Variants in RBP7 observed in about 807,000 individuals in gnomAD.
RBP7 encodes retinol binding protein 7.
RBP7 carries 13 observed loss-of-function variants against 16.7 expected under a neutral mutation model. That is an observed-to-expected ratio of 0.78 (90% CI 0.51 to 1.24). The LOEUF (loss-of-function observed/expected upper bound fraction) is 1.24, where lower values mean the gene tolerates loss of function less well. Among genes scored for constraint, RBP7 ranks in the 50% most tolerant of loss-of-function variants. The probability of loss-of-function intolerance (pLI) is 0.00; values close to 1 mark genes in which losing one functional copy is unlikely to be tolerated. For synonymous variants in RBP7, 54 were observed against 56.2 expected (o/e 0.96, Z 0.17); for missense variants, 145 against 159.5 (o/e 0.91, Z 0.49).
chr1:10,009,390 C>T (rs1642540924), intron 3 of RBP7, among the ~76,000 whole-genome samples: 1 of 151,766 alleles, frequency 6.6e-6, no homozygotes, highest in Admixed American at 6.6e-5. Flanking sequence ...GGCCTGGTGA[C>T]AGAGGCCGTT....
chr1:10,014,236 C>T (rs573496550), intron 3 of RBP7, among the ~76,000 whole-genome samples: 3 of 152,116 alleles, frequency 2.0e-5, no homozygotes, highest in South Asian at 2.1e-4. Context: ...AACTAAACCA[C>T]GGGGTTTAGA....
Position 9,997,549 on chromosome 1 carries a change from G to A in RBP7, c.73+218G>A, listed in dbSNP as rs1456511581. Among the ~76,000 whole-genome samples, 1 of 135,674 alleles carries A rather than the reference G, an allele frequency of 7.4e-6. No individual in the cohort carries two copies. Among genetic ancestry groups the A allele is most frequent in the Non-Finnish European group, 1.6e-5 (1 of 62,070 alleles). 89.0% of individuals were successfully genotyped at this position (135,674 alleles called of 152,430 possible). On this transcript the variant is annotated intron_variant, in intron 1 of 3. Transcript: ENST00000294435. This position sits in a 1 kb window ranked among gnomAD's most constrained non-coding sequence, Gnocchi z 5.9. Reference sequence around the variant, plus strand: ...TCAGTCCCCCAGTCCGTCCTTTCCCGCGCCCACCCGCCCCCCTGTCCCCAC... The same window carrying A: ...TCAGTCCCCCAGTCCGTCCTTTCCCACGCCCACCCGCCCCCCTGTCCCCAC...
At chr1:10,014,379 C>A (rs2101740900) in intron 3 of RBP7, among the ~76,000 whole-genome samples, 2 of 150,824 alleles carry the variant, frequency 1.3e-5, no homozygotes, top group African/African-American at 4.9e-5. Context: ...CTTTTCTTTT[C>A]TTTCTTTTTT....
chr1:10,004,984 C>T (rs147114124), intron 1 of RBP7, among the ~76,000 whole-genome samples: 1 of 151,874 alleles, frequency 6.6e-6, no homozygotes, highest in Non-Finnish European at 1.5e-5. Context: ...CAGAATGAGA[C>T]CCTGTCTCAA....
At chr1:9,999,932 CTTAAGAA>C (rs897782276) in intron 1 of RBP7, among the ~76,000 whole-genome samples, 16 of 146,494 alleles carry the variant, frequency 1.1e-4, no homozygotes, top group African/African-American at 3.7e-4. Flanking sequence ...TACATTTTAT[CTTAAGAA>C]TTAAGTTGGT....
rs1642192014 is a variant in RBP7 at position 9,997,314 on chromosome 1, G to A, written c.56G>A (p.Gly19Asp). 2.5e-6 allele frequency: 4 copies of A among 1,611,532 alleles called. No homozygotes were observed. Among genetic ancestry groups the A allele is most frequent in the Non-Finnish European group, 3.4e-6 (4 of 1,179,170 alleles). The change falls in exon 1 of 4, where the codon GGC becomes GAC. Residue 19 changes from glycine to aspartate, a missense_variant. Gly to Asp is a moderately conservative substitution (Grantham distance 94). Transcript: ENST00000294435. The surrounding 1 kb of genome is among the most constrained non-coding windows in gnomAD (Gnocchi z 5.9). ...WTLLSSDNFE[G>D]YMLALGIDFA... Reference sequence around the variant, plus strand: ...CTGCTCAGCAGCGACAACTTCGAGGGCTACATGCTGGCCCTAGGTAAGGCG... The same window carrying A: ...CTGCTCAGCAGCGACAACTTCGAGGACTACATGCTGGCCCTAGGTAAGGCG...
At chr1:10,005,927 A>T (rs974733680) in intron 1 of RBP7, among the ~76,000 whole-genome samples, 3 of 151,958 alleles carry the variant, frequency 2.0e-5, no homozygotes, top group Non-Finnish European at 4.4e-5. Flanking sequence ...CGGCAGATAC[A>T]CTAGGCTCCT....
At chr1:10,001,969 C>T (rs1642290486) in intron 1 of RBP7, among the ~76,000 whole-genome samples, 1 of 152,114 alleles carries the variant, frequency 6.6e-6, no homozygotes, top group Non-Finnish European at 1.5e-5. Flanking sequence ...GCTGGGATTA[C>T]AGGCACACGC....
intron 3 of RBP7, among the ~76,000 whole-genome samples, chr1:10,012,210 T>C (rs1642642150): frequency 6.1e-5 from 4 of 65,418 alleles, no homozygotes; most frequent in Non-Finnish European, 6.4e-5. Flanking sequence ...AAACTCCATC[T>C]CAAAAAAAAA....
intron 3 of RBP7, among the ~76,000 whole-genome samples, chr1:10,012,958 AAG>A (rs1557487746): frequency 3.3e-5 from 5 of 151,546 alleles, no homozygotes; most frequent in Non-Finnish European, 7.4e-5. Context: ...AAAAAAAAAA[AAG>A]AGAAATACCA....
At position 10,011,989 on chromosome 1, in the gene RBP7, G is replaced by A. The variant is rs576845317; in HGVS notation, c.354+3715G>A. On this transcript the variant is annotated intron_variant, in intron 3 of 3. Transcript: ENST00000294435. ...GGCCAAGGTGGGTGGATCACTTGAG[G>A]TCGGGAGTTTGAGACCAGCCTGACC... Among the ~76,000 whole-genome samples, 5 of 152,032 alleles carry A rather than the reference G, an allele frequency of 3.3e-5. No individual in the cohort carries two copies. In the East Asian group the frequency reaches 9.6e-4, roughly 29 times the overall value.
intron 3 of RBP7, among the ~76,000 whole-genome samples, chr1:10,012,273 C>G (rs1237864631): frequency 6.7e-6 from 1 of 149,116 alleles, no homozygotes; most frequent in African/African-American, 2.5e-5. Context: ...CCCAGCTACT[C>G]AGGAGGCTGA....
chr1:10,004,330 CAAA>C (rs1483428343), intron 1 of RBP7: 1 of 150,182 alleles, frequency 6.7e-6, no homozygotes, highest in Non-Finnish European at 1.5e-5. Flanking sequence ...CTCTGCCTCC[CAAA>C]GTGCTGGGAT....
chr1:10,000,739 T>C (rs1442626199), intron 1 of RBP7, among the ~76,000 whole-genome samples: 1 of 151,976 alleles, frequency 6.6e-6, no homozygotes. Context: ...CGCCTCTTTT[T>C]TTGTTGTTGT....
At chr1:10,010,259 G>A (rs1035565513) in intron 3 of RBP7, among the ~76,000 whole-genome samples, 1 of 151,990 alleles carries the variant, frequency 6.6e-6, no homozygotes, top group Non-Finnish European at 1.5e-5. Flanking sequence ...GAGACTACAG[G>A]TGCATGCCAC....
chr1:10,012,381 C>CA lies in RBP7; in HGVS notation c.355-3390dup, dbSNP rs111815044. Among the ~76,000 whole-genome samples the CA allele has an allele frequency of 7.2e-3, 997 of 138,234 alleles. 13 individuals are homozygous for CA. Among genetic ancestry groups the CA allele is most frequent in the South Asian group, 7.4e-3 (33 of 4,446 alleles). The allele number at this position is 138,234 out of a possible 152,430, so 90.7% of individuals were successfully genotyped here. ...GGGGGATACAGCAAGACTCTGTCTC[C>CA]AAAAAAAAAAACAAAGTAAGAAACT... On this transcript the variant is annotated intron_variant, in intron 3 of 3. Coordinates refer to ENST00000294435, the MANE Select transcript of RBP7 (RefSeq NM_052960.3).
At position 9,997,245 on chromosome 1, in the gene RBP7, C is replaced by A; in HGVS notation, c.-14C>A. The A allele has an allele frequency of 6.2e-7, 1 of 1,608,716 alleles. No individual in the cohort carries two copies. Among genetic ancestry groups the A allele is most frequent in the Non-Finnish European group, 8.5e-7 (1 of 1,178,374 alleles). ...CTCCGGCCGCCCGCCGGGTTTGTCCCGCGATCCCCGACCATGCCCGCCGAC... is the reference window on the plus strand; with the variant it reads ...CTCCGGCCGCCCGCCGGGTTTGTCCAGCGATCCCCGACCATGCCCGCCGAC... On this transcript the variant is annotated 5_prime_UTR_variant, in exon 1 of 4. Coordinates refer to ENST00000294435, the MANE Select transcript of RBP7 (RefSeq NM_052960.3). This position sits in a 1 kb window ranked among gnomAD's most constrained non-coding sequence, Gnocchi z 5.9.
chr1:10,011,317 CTG>C (rs1339901705), intron 3 of RBP7, among the ~76,000 whole-genome samples: 1 of 152,038 alleles, frequency 6.6e-6, no homozygotes, highest in Non-Finnish European at 1.5e-5. Context: ...GGAAGTGAGT[CTG>C]TAATTAAGAT....
chr1:10,015,696 A>T, intron 3 of RBP7, 86 bp from the exon 4 acceptor site: 2 of 1,187,690 alleles, frequency 1.7e-6, no homozygotes, highest in Non-Finnish European at 2.5e-6. Context: ...GAAAAGGGTT[A>T]AAACACAATA....
Sources: gnomAD v4.1 joint callset for allele counts (sites outside exome capture counted in the v4.1 genomes callset) on GRCh38, gnomAD v4.1.1 for gene constraint, Gnocchi (gnomAD v3.1) non-coding constraint, MANE v1.5 for transcripts, NCBI Gene and HGNC (gene_info 2026-07-23, HGNC 2026-07-21) for gene names.